Variants in KLF8 observed in about 807,000 individuals in gnomAD.
KLF8 encodes KLF transcription factor 8, also known as Krueppel-like factor 8.
In KLF8, 10 loss-of-function variants were observed where a neutral mutation model predicts 18.2. That is an observed-to-expected ratio of 0.55 (90% confidence interval 0.34 to 0.93). KLF8 has a LOEUF of 0.93. Ranked by LOEUF, KLF8 falls within the 40% of genes least tolerant of loss-of-function variation. KLF8 has a pLI of 0.02. For missense variants in KLF8, 264 were observed against 277.9 expected (o/e 0.95, Z 0.36); for synonymous variants, 109 against 97.3 (o/e 1.12, Z -0.71).
At chrX:56,112,488 T>A in the KLF8 span, among the ~76,000 whole-genome samples, 44 of 111,993 alleles carry the variant, frequency 3.9e-4, no homozygotes, top group African/African-American at 1.2e-3. Context: ...ATAAAAAAAA[T>A]TTTAAAAAAG....
the KLF8 span, among the ~76,000 whole-genome samples, chrX:55,938,711 C>G: frequency 9.0e-6 from 1 of 110,774 alleles, no homozygotes; most frequent in Non-Finnish European, 1.9e-5. Flanking sequence ...CAAAAAAAGA[C>G]AGGGGTTGCA....
chrX:56,180,588 T>C, the KLF8 span, among the ~76,000 whole-genome samples: 18 of 111,625 alleles, frequency 1.6e-4, no homozygotes, highest in East Asian at 4.8e-3. Context: ...TGCTTTCTCT[T>C]GTGAGCTTTT....
chrX:56,211,594 G>A, the KLF8 span, among the ~76,000 whole-genome samples: 10 of 112,145 alleles, frequency 8.9e-5, no homozygotes, highest in African/African-American at 3.2e-4. Context: ...AAGCCAGCCA[G>A]GCCTGTGTCC....
At chrX:55,970,965 A>T in the KLF8 span, among the ~76,000 whole-genome samples, 1 of 111,969 alleles carries the variant, frequency 8.9e-6, no homozygotes, top group Non-Finnish European at 1.9e-5. Flanking sequence ...AAGAATCAAC[A>T]TTGTTAAAAT....
chrX:56,062,276 G>A, the KLF8 span, among the ~76,000 whole-genome samples: 1 of 110,886 alleles, frequency 9.0e-6, no homozygotes, highest in African/African-American at 3.3e-5. Flanking sequence ...TTTACAATTT[G>A]GCAGGTTTTT....
At chrX:56,235,201 G>A (rs1266779589) in intron 1 of KLF8, among the ~76,000 whole-genome samples, 2 of 109,178 alleles carry the variant, frequency 1.8e-5, no homozygotes, top group Admixed American at 1.0e-4. Flanking sequence ...TGCCTGGTGC[G>A]GTGGGGGCAG....
At chrX:56,004,201 G>A in the KLF8 span, among the ~76,000 whole-genome samples, 2 of 112,435 alleles carry the variant, frequency 1.8e-5, no homozygotes, top group African/African-American at 6.5e-5. Context: ...TTACCACATA[G>A]TTTTTGTGAA....
chrX:56,187,224 A>G, the KLF8 span, among the ~76,000 whole-genome samples: 3 of 112,043 alleles, frequency 2.7e-5, no homozygotes, highest in African/African-American at 9.7e-5. Flanking sequence ...ACAAACTACC[A>G]TCAGAGAATA....
At chrX:55,993,578 C>T in the KLF8 span, among the ~76,000 whole-genome samples, 2 of 111,844 alleles carry the variant, frequency 1.8e-5, no homozygotes, top group Non-Finnish European at 3.8e-5. Context: ...CTCATTGTGT[C>T]TGTGTGAAGT....
chrX:56,099,615 C>T, the KLF8 span, among the ~76,000 whole-genome samples: 2 of 108,022 alleles, frequency 1.9e-5, no homozygotes, highest in Non-Finnish European at 3.8e-5. Flanking sequence ...GCGCTTAAGA[C>T]AAACTAAAAG....
At chrX:56,127,645 G>A in the KLF8 span, among the ~76,000 whole-genome samples, 1 of 111,478 alleles carries the variant, frequency 9.0e-6, no homozygotes. Context: ...CAGCCTGAGT[G>A]ACAGAGCAAG....
chrX:56,262,733 C>T, intron 2 of KLF8, among the ~76,000 whole-genome samples: 1 of 110,726 alleles, frequency 9.0e-6, no homozygotes, highest in Admixed American at 9.6e-5. Context: ...GACAATCCTC[C>T]TGCCTCAACC....
chrX:56,089,296 T>C, the KLF8 span, among the ~76,000 whole-genome samples: 1 of 111,865 alleles, frequency 8.9e-6, no homozygotes, highest in Admixed American at 9.5e-5. Flanking sequence ...GACTATTTAA[T>C]TTTTACTAAT....
At chrX:56,192,050 A>T in the KLF8 span, among the ~76,000 whole-genome samples, 1 of 111,887 alleles carries the variant, frequency 8.9e-6, no homozygotes, top group Non-Finnish European at 1.9e-5. Flanking sequence ...TTGTGTGCAG[A>T]TGATATGATT....
the KLF8 span, among the ~76,000 whole-genome samples, chrX:56,133,388 C>T: frequency 1.8e-5 from 2 of 111,738 alleles, no homozygotes; most frequent in Non-Finnish European, 3.8e-5. Flanking sequence ...TTTGATACAC[C>T]ACGTAAACAG....
chrX:56,183,855 G>T, the KLF8 span, among the ~76,000 whole-genome samples: 1 of 111,205 alleles, frequency 9.0e-6, no homozygotes, highest in Admixed American at 9.5e-5. Context: ...ACAGAAAACG[G>T]CTCAATGGAT....
chrX:55,996,517 T>C, the KLF8 span, among the ~76,000 whole-genome samples: 1 of 112,157 alleles, frequency 8.9e-6, no homozygotes, highest in Non-Finnish European at 1.9e-5. Context: ...TTGAAGTTTA[T>C]GTCCTTTAGA....
At chrX:56,223,184 C>G in the KLF8 span, among the ~76,000 whole-genome samples, 3 of 113,056 alleles carry the variant, frequency 2.7e-5, no homozygotes, top group Non-Finnish European at 5.6e-5. Context: ...GTTATGTGAT[C>G]TTGGCAAACT....
chrX:56,272,314 G>A (rs756170892), intron 5 of KLF8, among the ~76,000 whole-genome samples: 4 of 110,786 alleles, frequency 3.6e-5, no homozygotes, highest in Admixed American at 2.9e-4. Flanking sequence ...GGGTTCAAGC[G>A]ATTCTCATGT....
Sources: allele counts gnomAD v4.1 joint callset (sites outside exome capture counted in the v4.1 genomes callset), GRCh38; gene constraint gnomAD v4.1.1; transcripts MANE v1.5; gene names NCBI Gene and HGNC (gene_info 2026-07-23, HGNC 2026-07-21).